The following SLC30A9 variants were observed in gnomAD, a reference collection of about 807,000 sequenced individuals.
SLC30A9 encodes the protein proton-coupled zinc antiporter SLC30A9, mitochondrial.
In SLC30A9, 58 loss-of-function variants were observed where a neutral mutation model predicts 87.5. The observed-to-expected ratio is 0.66, with a 90% confidence interval of 0.54 to 0.82. The LOEUF is 0.82. SLC30A9 is among the 40% of genes least tolerant of loss of function. SLC30A9 has a pLI of 0.00. For synonymous variants in SLC30A9, 234 were observed against 233.0 expected (o/e 1.00, Z -0.04); for missense variants, 557 against 679.1 (o/e 0.82, Z 2.00).
chr4:42,081,140 C>G (rs1718727854), intron 17 of SLC30A9, among the ~76,000 whole-genome samples: 1 of 152,158 alleles, frequency 6.6e-6, no homozygotes, highest in Non-Finnish European at 1.5e-5. Flanking sequence ...AAAATGTACT[C>G]TAGATTAAAA....
Position 42,020,488 on chromosome 4 carries a change from C to A in SLC30A9, c.407C>A (p.Ala136Glu). Reference protein sequence around the residue: ...TQNNFITGVRAINEFCLKSSD... With the variant: ...TQNNFITGVREINEFCLKSSD... ...AATAATTTCATCACTGGAGTCAGAG[C>A]GATAAATGAGTTCTGCCTCAAATCC... The change falls in exon 4 of 18, where the codon GCG becomes GAG. Residue 136 changes from alanine to glutamate, a missense_variant. By Grantham distance (107) the Ala-to-Glu change is moderately radical. Around this residue, in one of 2 missense-constraint regions of SLC30A9, gnomAD observed 467 missense variants for 529.8 expected, o/e 0.88. Coordinates refer to ENST00000264451, the MANE Select transcript of SLC30A9 (RefSeq NM_006345.4). 6.3e-7 allele frequency: 1 copy of A among 1,597,066 alleles called. No homozygotes were observed. Among genetic ancestry groups the A allele is most frequent in the Non-Finnish European group, 8.6e-7 (1 of 1,167,144 alleles).
At chr4:42,061,916 C>T (rs1577715801) in intron 10 of SLC30A9, among the ~76,000 whole-genome samples, 3 of 148,198 alleles carry the variant, frequency 2.0e-5, no homozygotes, top group Non-Finnish European at 3.0e-5. Context: ...AAAAAAATGT[C>T]GGGCGCGGTG....
Position 42,049,250 on chromosome 4 carries a change from G to A in SLC30A9, c.738-127G>A, listed in dbSNP as rs112907165. 1,302 of 545,474 alleles carry A rather than the reference G, an allele frequency of 2.4e-3. 21 individuals carry two copies. The highest frequency in any genetic ancestry group is 0.023 in the African/African-American group (1,209 of 52,636). 33.8% of individuals were successfully genotyped at this position (545,474 alleles called of 1,614,324 possible). On this transcript the variant is annotated intron_variant, in intron 8 of 17. Coordinates refer to ENST00000264451, the MANE Select transcript of SLC30A9 (RefSeq NM_006345.4). ...CAAAATGTTGGCATTATAGGTGTGA[G>A]CCATTGTGCTTAGCCTAATTTTACT...
At chr4:42,048,730 C>A (rs74324020) in intron 8 of SLC30A9, among the ~76,000 whole-genome samples, 3,534 of 152,178 alleles carry the variant, frequency 0.023, 62 homozygotes, top group Middle Eastern at 0.062. Flanking sequence ...GTATCAGGTG[C>A]AGATCTGCTT....
At chr4:42,024,003 G>A (rs369914542) in intron 6 of SLC30A9, among the ~76,000 whole-genome samples, 5 of 152,186 alleles carry the variant, frequency 3.3e-5, no homozygotes, top group South Asian at 2.1e-4. Flanking sequence ...GCCTGTCCTC[G>A]GCACATGGGG....
intron 1 of SLC30A9, among the ~76,000 whole-genome samples, chr4:41,996,927 G>A (rs943252753): frequency 4.6e-5 from 7 of 152,090 alleles, no homozygotes; most frequent in African/African-American, 1.7e-4. Context: ...CCAGCTACTT[G>A]GGAGGCTGAG....
chr4:42,042,805 C>T (rs765946516), intron 8 of SLC30A9, among the ~76,000 whole-genome samples: 1 of 152,190 alleles, frequency 6.6e-6, no homozygotes. Context: ...CAGGGATCAA[C>T]AGACACCTCA....
intron 17 of SLC30A9, among the ~76,000 whole-genome samples, chr4:42,079,103 T>C (rs949231418): frequency 4.6e-5 from 7 of 152,270 alleles, no homozygotes; most frequent in South Asian, 2.1e-4. Flanking sequence ...TTATCTGACA[T>C]AATTTTTGAA....
At position 42,067,154 on chromosome 4, in the gene SLC30A9, T is replaced by G. The variant is rs767872937; in HGVS notation, c.1214T>G (p.Ile405Arg). 1.9e-6 allele frequency: 3 copies of G among 1,611,898 alleles called. No individual in the cohort carries two copies. The highest frequency in any genetic ancestry group is 3.3e-5 in the Admixed American group (2 of 59,998). ...GATACTGCTGCAGTCTTGGGAGTTA[T>G]AATAGCAGCCACTTGCATGGGCCTT... Reference protein sequence around the residue: ...LEDTAAVLGVIIAATCMGLTS... With the variant: ...LEDTAAVLGVRIAATCMGLTS... Residue 405 changes from isoleucine (I) to arginine (R), a missense_variant, in exon 14 of 18, where the codon ATA becomes AGA. By Grantham distance (97) the Ile-to-Arg change is moderately conservative (BLOSUM62 -3). This residue lies in a region of SLC30A9 where 467 missense variants were observed against 529.8 expected (regional missense o/e 0.88). Transcript: ENST00000264451.
At chr4:42,033,498 T>C (rs997325678) in intron 6 of SLC30A9, among the ~76,000 whole-genome samples, 1 of 152,040 alleles carries the variant, frequency 6.6e-6, no homozygotes, top group Non-Finnish European at 1.5e-5. Context: ...AAAATAAAAA[T>C]AATATTTTTT....
At chr4:42,003,594 A>G (rs1265549820) in intron 2 of SLC30A9, among the ~76,000 whole-genome samples, 3 of 151,864 alleles carry the variant, frequency 2.0e-5, no homozygotes, top group African/African-American at 4.8e-5. Context: ...TTTGGTTACT[A>G]TTTTCCCATC....
intron 1 of SLC30A9, among the ~76,000 whole-genome samples, chr4:41,995,961 C>T (rs116491652): frequency 4.6e-5 from 7 of 152,114 alleles, no homozygotes; most frequent in East Asian, 3.9e-4. Flanking sequence ...CCACCCATCT[C>T]GGCCTCCCAA....
intron 8 of SLC30A9, among the ~76,000 whole-genome samples, chr4:42,041,365 A>C (rs1041683418): frequency 2.6e-5 from 4 of 152,004 alleles, no homozygotes; most frequent in African/African-American, 9.7e-5. Flanking sequence ...GCTCACTGCA[A>C]CCTCCGCCTC....
At chr4:42,050,763 T>C (rs1577708993) in intron 9 of SLC30A9, among the ~76,000 whole-genome samples, 1 of 152,210 alleles carries the variant, frequency 6.6e-6, no homozygotes, top group East Asian at 1.9e-4. Context: ...GACCATGATC[T>C]CTGAGAGATA....
intron 6 of SLC30A9, among the ~76,000 whole-genome samples, chr4:42,026,904 G>T (rs1716216258): frequency 6.6e-6 from 1 of 152,018 alleles, no homozygotes; most frequent in Admixed American, 6.6e-5. Flanking sequence ...TCCACAAATT[G>T]TTTATTTCTA....
At chr4:42,029,389 A>T (rs1024219388) in intron 6 of SLC30A9, 6 of 614,732 alleles carry the variant, frequency 9.8e-6, no homozygotes, top group African/African-American at 1.8e-5. Context: ...GCTGCTCACC[A>T]TCAGTGAATT....
intron 9 of SLC30A9, among the ~76,000 whole-genome samples, chr4:42,050,838 T>C (rs1316775286): frequency 2.6e-5 from 4 of 152,138 alleles, no homozygotes; most frequent in Non-Finnish European, 4.4e-5. Context: ...TTTGGGATAG[T>C]GGAGCAGGAT....
intron 4 of SLC30A9, among the ~76,000 whole-genome samples, chr4:42,022,076 C>T (rs1304215865): frequency 1.4e-5 from 1 of 74,026 alleles, no homozygotes; most frequent in Non-Finnish European, 3.9e-5. Flanking sequence ...GCTGGGACTA[C>T]AGGCGCCCGC....
At position 42,022,940 on chromosome 4, in the gene SLC30A9, T is replaced by C. The variant is rs201585376; in HGVS notation, c.527+10T>C. 1.2e-5 allele frequency: 18 copies of C among 1,461,928 alleles called. 1 individual carries two copies. In the South Asian group the frequency reaches 2.3e-4, roughly 19 times the overall value. The allele number at this position is 1,461,928 out of a possible 1,614,324, so 90.6% of individuals were successfully genotyped here. On this transcript the variant is annotated intron_variant, in intron 5 of 17. Transcript: ENST00000264451. ...CAGATGTGGAAGCAAAGTAAGAACA[T>C]AGTTCTTTCAGAATAAAAGTGCAAA...
Sources: gnomAD v4.1 joint callset for allele counts (sites outside exome capture counted in the v4.1 genomes callset) on GRCh38, gnomAD v4.1.1 for gene constraint, gnomAD v4.1.1 regional missense constraint, MANE v1.5 for transcripts, NCBI Gene and HGNC (gene_info 2026-07-23, HGNC 2026-07-21) for gene names.